Variants in ABI3BP observed in about 807,000 individuals in gnomAD.
ABI3BP encodes target of Nesh-SH3.
In ABI3BP, 216 loss-of-function variants were observed where a neutral mutation model predicts 268.6. That is an observed-to-expected ratio of 0.80 (90% confidence interval 0.72 to 0.90). ABI3BP has a LOEUF of 0.90. Among genes scored for constraint, ABI3BP ranks in the 40% least tolerant of loss-of-function variants. The pLI is 0.00. For missense variants in ABI3BP, 2,090 were observed against 2,182.4 expected, an observed-to-expected ratio of 0.96 and a Z score of 0.84; for synonymous variants, 730 against 730.0, an observed-to-expected ratio of 1.00 and a Z score of 0.00.
chr3:100,841,220 T>TTTTTTTTTTTTTTTTGTTTTTTTG (rs1560681726), intron 21 of ABI3BP, among the ~76,000 whole-genome samples: 8 of 119,588 alleles, frequency 6.7e-5, no homozygotes, highest in African/African-American at 9.7e-5. Flanking sequence ...TTTTTTTTTT[T>TTTTTTTTTTTTTTTTGTTTTTTTG]TTTTTTTGCT....
chr3:100,893,294 G>A (rs1345160758), intron 4 of ABI3BP, among the ~76,000 whole-genome samples: 2 of 152,122 alleles, frequency 1.3e-5, no homozygotes, highest in Non-Finnish European at 2.9e-5. Flanking sequence ...TTGGGACGCG[G>A]ACTGGCTTCC....
chr3:100,884,463 G>A (rs1005090457), intron 6 of ABI3BP, among the ~76,000 whole-genome samples: 6 of 152,014 alleles, frequency 3.9e-5, no homozygotes, highest in South Asian at 2.1e-4. Context: ...TTTGCCTTAG[G>A]CAGATTAATT....
At chr3:100,865,288 A>T (rs535111661) in intron 10 of ABI3BP, among the ~76,000 whole-genome samples, 1 of 152,348 alleles carries the variant, frequency 6.6e-6, no homozygotes, top group South Asian at 2.1e-4. Flanking sequence ...AATCTGAAGG[A>T]TAATCAAGAT....
chr3:100,912,559 C>G (rs1051729565), intron 2 of ABI3BP, among the ~76,000 whole-genome samples: 1 of 152,008 alleles, frequency 6.6e-6, no homozygotes, highest in African/African-American at 2.4e-5. Flanking sequence ...TAAAAAAAAA[C>G]TATATTCATG....
intron 20 of ABI3BP, chr3:100,843,624 TGA>T (rs2098735257): frequency 1.2e-5 from 12 of 983,054 alleles, no homozygotes; most frequent in Non-Finnish European, 1.4e-5. Context: ...AGTATGCATG[TGA>T]GAGAGAGTGT....
chr3:100,938,871 G>A (rs190366812), intron 1 of ABI3BP, among the ~76,000 whole-genome samples: 3 of 152,104 alleles, frequency 2.0e-5, no homozygotes, highest in Admixed American at 2.0e-4. Context: ...ATGATGGCAT[G>A]AAAGAACAAA....
intron 9 of ABI3BP, among the ~76,000 whole-genome samples, chr3:100,873,521 C>T (rs1222507194): frequency 5.3e-5 from 8 of 152,126 alleles, no homozygotes; most frequent in Non-Finnish European, 1.0e-4. Context: ...GGGTTTGTTC[C>T]CAGTGGATGC....
Position 100,926,402 on chromosome 3 carries a change from A to T in ABI3BP, c.159T>A (p.Asn53Lys), listed in dbSNP as rs200989560. The T allele has an allele frequency of 1.6e-4, 253 of 1,613,328 alleles. 1 individual carries two copies. The highest frequency in any genetic ancestry group is 2.6e-5 in the Non-Finnish European group (31 of 1,179,556). The change falls in exon 2 of 68, where the codon AAT becomes AAA. Residue 53 changes from asparagine (N) to lysine (K), a missense_variant. Asn to Lys is a moderately conservative substitution (Grantham distance 94, BLOSUM62 0). Coordinates refer to ENST00000471714, the MANE Select transcript of ABI3BP (RefSeq NM_001375547.2). ...CCAGGAGAAGACCTTCAAGCTTTAC[A>T]TTTGGACTTGGACGCAAGAACTTCA... The part of the protein sequence containing the change: ...ILLKFLRPSP[N>K]VKLEGLLLGY...
At chr3:100,900,177 C>A (rs1415006460) in intron 3 of ABI3BP, among the ~76,000 whole-genome samples, 2 of 152,216 alleles carry the variant, frequency 1.3e-5, no homozygotes, top group Non-Finnish European at 2.9e-5. Context: ...TCTTCTCTAA[C>A]TTCTGCAGAC....
chr3:100,977,856 G>A (rs2087021928), intron 1 of ABI3BP, among the ~76,000 whole-genome samples: 1 of 152,202 alleles, frequency 6.6e-6, no homozygotes, highest in East Asian at 1.9e-4. Flanking sequence ...AATAAACTGT[G>A]TGTTCACATC....
At chr3:100,834,364 A>G (rs1343340872) in intron 29 of ABI3BP, among the ~76,000 whole-genome samples, 5 of 152,196 alleles carry the variant, frequency 3.3e-5, no homozygotes. Flanking sequence ...ACAAACGTTC[A>G]AAATGTGTGA....
At position 100,775,195 on chromosome 3, in the gene ABI3BP, G is replaced by A. The variant is rs1171351174; in HGVS notation, c.4462+12C>T. 2 of 1,612,218 alleles carry A rather than the reference G, an allele frequency of 1.2e-6. No individual in the cohort carries two copies. The highest frequency in any genetic ancestry group is 4.5e-5 in the East Asian group (2 of 44,828). ...AGCTAAGTATCCAGTGAGAACTGAT[G>A]GCCATACGAACCCAGTTCTTCTCCA... On this transcript the variant is annotated intron_variant, in intron 60 of 67. Coordinates refer to ENST00000471714, the MANE Select transcript of ABI3BP (RefSeq NM_001375547.2).
At chr3:100,835,831 CAAA>C (rs1469359581) in intron 27 of ABI3BP, among the ~76,000 whole-genome samples, 171 bp from the exon 28 acceptor site, 1 of 152,122 alleles carries the variant, frequency 6.6e-6, no homozygotes, top group Non-Finnish European at 1.5e-5. Flanking sequence ...ATTTATTTCA[CAAA>C]ATACCCATAC....
At chr3:100,816,291 G>T (rs2098040592) in intron 43 of ABI3BP, 1 of 447,050 alleles carries the variant, frequency 2.2e-6, no homozygotes, top group South Asian at 3.1e-5. Flanking sequence ...AAAATACAGA[G>T]AGAAATATAT....
intron 4 of ABI3BP, among the ~76,000 whole-genome samples, chr3:100,896,912 T>C (rs912734007): frequency 6.6e-6 from 1 of 152,358 alleles, no homozygotes; most frequent in African/African-American, 2.4e-5. Context: ...ATTCATCCCT[T>C]GAGAACCATG....
intron 1 of ABI3BP, among the ~76,000 whole-genome samples, chr3:100,955,111 TGTC>T (rs2076384177): frequency 6.6e-6 from 1 of 151,590 alleles, no homozygotes; most frequent in South Asian, 2.1e-4. Context: ...TCAGCACATG[TGTC>T]ATCAGACAGA....
At position 100,813,732 on chromosome 3, in the gene ABI3BP, A is replaced by G. The variant is rs186960000; in HGVS notation, c.3293T>C (p.Leu1098Pro). The change falls in exon 45 of 68, where the codon CTG becomes CCG. Residue 1098 changes from leucine (L) to proline (P), a missense_variant. Coordinates refer to ENST00000471714, the MANE Select transcript of ABI3BP (RefSeq NM_001375547.2). Reference protein sequence around the residue: ...STDAPGTTFALTELQTLILKP... With the variant: ...STDAPGTTFAPTELQTLILKP... ...CAAAATAAGAGTTTGCAGTTCAGTCAGAGCTGAAAGAAGAGGGTCTCAATT... is the reference window on the plus strand; with the variant it reads ...CAAAATAAGAGTTTGCAGTTCAGTCGGAGCTGAAAGAAGAGGGTCTCAATT... The G allele has an allele frequency of 1.2e-5, 18 of 1,535,084 alleles. No homozygotes were observed. The East Asian group carries it at 4.2e-4, about 35-fold the overall frequency.
intron 1 of ABI3BP, among the ~76,000 whole-genome samples, chr3:100,957,875 A>C (rs2077370903): frequency 6.6e-6 from 1 of 152,212 alleles, no homozygotes; most frequent in African/African-American, 2.4e-5. Flanking sequence ...AGTCCAAGTC[A>C]GTTGATTCAC....
intron 1 of ABI3BP, among the ~76,000 whole-genome samples, chr3:100,948,253 C>A (rs551755471): frequency 1.3e-4 from 20 of 152,222 alleles, no homozygotes; most frequent in African/African-American, 4.8e-4. Flanking sequence ...ATACAAAATT[C>A]AAATCTTAGA....
Sources: allele counts gnomAD v4.1 joint callset (sites outside exome capture counted in the v4.1 genomes callset), GRCh38; gene constraint gnomAD v4.1.1; transcripts MANE v1.5; gene names NCBI Gene and HGNC (gene_info 2026-07-23, HGNC 2026-07-21).